BBS5: variants seen among roughly 807,000 people sequenced by gnomAD.
The protein encoded by BBS5 is BBSome complex member BBS5.
Under a neutral mutation model 50.2 loss-of-function variants are expected in BBS5, and 39 were observed. The observed-to-expected ratio is 0.78, with a 90% confidence interval of 0.60 to 1.01. The LOEUF is 1.01. Ranked by LOEUF, BBS5 falls within the 50% of genes least tolerant of loss-of-function variation. The probability of loss-of-function intolerance (pLI) is 0.00; values close to 1 mark genes in which losing one functional copy is unlikely to be tolerated. For missense variants in BBS5, 356 were observed against 401.5 expected (o/e 0.89, Z 0.97); for synonymous variants, 134 against 133.1 (o/e 1.01, Z -0.05).
intron 1 of BBS5, among the ~76,000 whole-genome samples, chr2:169,480,534 A>T (rs560696959): frequency 6.6e-6 from 1 of 152,114 alleles, no homozygotes; most frequent in South Asian, 2.1e-4. Flanking sequence ...AATATTGATA[A>T]ATTTCTCAGG....
intron 1 of BBS5, among the ~76,000 whole-genome samples, chr2:169,479,951 C>T (rs1301926776): frequency 1.3e-5 from 2 of 152,222 alleles, no homozygotes; most frequent in African/African-American, 4.8e-5. Flanking sequence ...CCCACGTGAG[C>T]TTGGGATTTC....
intron 1 of BBS5, among the ~76,000 whole-genome samples, chr2:169,480,530 G>T (rs1424460736): frequency 1.3e-5 from 2 of 151,886 alleles, no homozygotes; most frequent in Non-Finnish European, 2.9e-5. Flanking sequence ...ATGAAATATT[G>T]ATAAATTTCT....
intron 2 of BBS5, among the ~76,000 whole-genome samples, chr2:169,484,269 G>T (rs1292969160): frequency 6.6e-6 from 1 of 152,158 alleles, no homozygotes; most frequent in Non-Finnish European, 1.5e-5. Flanking sequence ...TGTGGCCCCA[G>T]CTACTGGGGA....
chr2:169,505,149 G>A lies in BBS5; in HGVS notation c.*567G>A. On this transcript the variant is annotated 3_prime_UTR_variant, in exon 12 of 12. Transcript: ENST00000295240. ...TTCGTATTTTTTTGGTGGAGACGGG[G>A]TTTCGCTGTGTTGGCCGGGCTGGTC... 1 of 663,050 alleles carries A rather than the reference G, an allele frequency of 1.5e-6. No individual in the cohort carries two copies. 41.1% of individuals were successfully genotyped at this position (663,050 alleles called of 1,614,324 possible).
intron 2 of BBS5, among the ~76,000 whole-genome samples, chr2:169,483,540 A>C (rs1242369991): frequency 3.9e-5 from 6 of 152,198 alleles, no homozygotes; most frequent in Non-Finnish European, 5.9e-5. Flanking sequence ...GGTAGCTATA[A>C]AATTCAGACC....
At chr2:169,486,573 T>C (rs2353188) in intron 2 of BBS5, among the ~76,000 whole-genome samples, 61,667 of 152,010 alleles carry the variant, frequency 0.41, 13,227 homozygotes, top group Admixed American at 0.5. Flanking sequence ...AACAAAATAG[T>C]TTGCTCACAG....
At chr2:169,487,732 C>CT (rs1260009302) in intron 3 of BBS5, 74 bp from the exon 4 acceptor site, 535 of 1,086,138 alleles carry the variant, frequency 4.9e-4, no homozygotes, top group South Asian at 8.6e-4. Context: ...TCTGTGTATA[C>CT]TTTTTTTTTA....
chr2:169,485,726 G>C (rs1281798637), intron 2 of BBS5, among the ~76,000 whole-genome samples: 1 of 152,140 alleles, frequency 6.6e-6, no homozygotes, highest in Admixed American at 6.5e-5. Flanking sequence ...AAGATGACTT[G>C]TATAGAGTAC....
chr2:169,490,186 C>CCTT (rs1683567956), intron 5 of BBS5, among the ~76,000 whole-genome samples: 1 of 119,820 alleles, frequency 8.3e-6, no homozygotes, highest in Non-Finnish European at 1.7e-5. Flanking sequence ...ATGAAATGTG[C>CCTT]ATTTTTTTTT....
chr2:169,492,344 G>C (rs1445717303), intron 5 of BBS5, among the ~76,000 whole-genome samples: 1 of 152,060 alleles, frequency 6.6e-6, no homozygotes, highest in Non-Finnish European at 1.5e-5. Flanking sequence ...ACAAAAACTA[G>C]CTGGGCATGG....
At chr2:169,503,659 A>G (rs753440977) in intron 10 of BBS5, among the ~76,000 whole-genome samples, 3 of 152,210 alleles carry the variant, frequency 2.0e-5, no homozygotes, top group Non-Finnish European at 4.4e-5. Context: ...TGAAATGTTC[A>G]TCTCTTAATT....
intron 2 of BBS5, 21 bp downstream of exon 2, chr2:169,482,354 A>T: frequency 7.2e-7 from 1 of 1,395,952 alleles, no homozygotes; most frequent in South Asian, 1.2e-5. Flanking sequence ...TTTTAAATGT[A>T]TCTTATATTC....
At chr2:169,488,767 T>G (rs1054647066) in intron 5 of BBS5, among the ~76,000 whole-genome samples, 2 of 152,204 alleles carry the variant, frequency 1.3e-5, no homozygotes, top group Non-Finnish European at 2.9e-5. Context: ...ATAAAACACA[T>G]AAAACTACTG....
In BBS5 at chr2:169,493,730, G is replaced by A. The variant is rs756035013; in HGVS notation, c.523-11G>A. ...ATGATCATTTCGGTATCTCATTACT[G>A]TTTTTTACAGGGCAATTTAGGAACC... On this transcript the variant is annotated splice_polypyrimidine_tract_variant and intron_variant, in intron 6 of 11. Transcript: ENST00000295240. 1.3e-5 allele frequency: 21 copies of A among 1,582,750 alleles called. No individual in the cohort carries two copies. In the East Asian group the frequency reaches 4.5e-4, roughly 34 times the overall value.
chr2:169,492,780 T>C, intron 5 of BBS5, 94 bp from the exon 6 acceptor site: 2 of 1,097,782 alleles, frequency 1.8e-6, no homozygotes, highest in South Asian at 1.4e-5. Context: ...GTAATGTTCA[T>C]AAATACTAAC....
At chr2:169,496,046 C>G (rs560325948) in intron 7 of BBS5, among the ~76,000 whole-genome samples, 1 of 152,322 alleles carries the variant, frequency 6.6e-6, no homozygotes, top group African/African-American at 2.4e-5. Flanking sequence ...CAAAGCCTTT[C>G]TTCTTTTTCT....
rs1158081402 is a variant in BBS5, at chr2:169,504,557, AG to A, written c.1004del (p.Gly335AspfsTer5). On this transcript the variant is annotated frameshift_variant, in exon 12 of 12. Transcript: ENST00000295240. LOFTEE classifies it high-confidence loss of function. ...IEKLKDGFTL[Q>X]GLWEVMS ...AAATTGAAGGATGGATTCACCCTAC[AG>A]GGACTTTGGGAAGTAATGAGTTGAT... 6.2e-7 allele frequency: 1 copy of A among 1,613,552 alleles called. No individual in the cohort carries two copies. The highest frequency in any genetic ancestry group is 1.7e-5 in the Admixed American group (1 of 60,020).
chr2:169,490,920 T>C (rs1386469104), intron 5 of BBS5, among the ~76,000 whole-genome samples: 1 of 152,212 alleles, frequency 6.6e-6, no homozygotes, highest in East Asian at 1.9e-4. Flanking sequence ...ATGTGGCCTT[T>C]TATGTCTGAC....
At position 169,479,581 on chromosome 2, in the gene BBS5, G is replaced by T. The variant is rs1683348570; in HGVS notation, c.28G>T (p.Asp10Tyr). MSVLDALWE[D>Y]RDVRFDLSAQ... ...GTCGGTGCTGGATGCGCTTTGGGAG[G>T]ATCGGGATGTCCGTTTCGACCTGTC... Residue 10 changes from aspartate (D) to tyrosine (Y), a missense_variant, in exon 1 of 12, where the codon GAT (aspartate) becomes TAT (tyrosine). Coordinates refer to ENST00000295240, the MANE Select transcript of BBS5 (RefSeq NM_152384.3). 1.2e-6 allele frequency: 2 copies of T among 1,614,068 alleles called. No homozygotes were observed. Among genetic ancestry groups the T allele is most frequent in the South Asian group, 1.1e-5 (1 of 91,090 alleles).
Sources: allele counts gnomAD v4.1 joint callset (sites outside exome capture counted in the v4.1 genomes callset), GRCh38; gene constraint gnomAD v4.1.1; transcripts MANE v1.5; gene names NCBI Gene and HGNC (gene_info 2026-07-23, HGNC 2026-07-21).